FREM2: variants seen among roughly 807,000 people sequenced by gnomAD.
The protein encoded by FREM2 is FRAS1-related extracellular matrix protein 2.
FREM2 carries 119 observed loss-of-function variants against 219.9 expected under a neutral mutation model. The observed-to-expected ratio is 0.54, with a 90% confidence interval of 0.47 to 0.63. The LOEUF (loss-of-function observed/expected upper bound fraction) is 0.63, where lower values mean the gene tolerates loss of function less well. Ranked by LOEUF, FREM2 falls within the 30% of genes least tolerant of loss-of-function variation. FREM2 has a pLI of 0.00. For missense variants in FREM2, 4,030 were observed against 3,993.6 expected, an observed-to-expected ratio of 1.01 and a Z score of -0.25; for synonymous variants, 1,562 against 1,522.8, an observed-to-expected ratio of 1.03 and a Z score of -0.60.
chr13:38,780,552 C>T (rs1413754925), intron 4 of FREM2, among the ~76,000 whole-genome samples: 1 of 152,160 alleles, frequency 6.6e-6, no homozygotes, highest in East Asian at 1.9e-4. Context: ...TAAAGTATGT[C>T]AGATTATGGA....
chr13:38,789,201 A>C (rs1029927245), intron 6 of FREM2, among the ~76,000 whole-genome samples: 1 of 152,010 alleles, frequency 6.6e-6, no homozygotes, highest in Non-Finnish European at 1.5e-5. Context: ...TTAATTTTGT[A>C]GGTTTGGTAA....
intron 6 of FREM2, among the ~76,000 whole-genome samples, chr13:38,842,643 T>TGGTCTATGCGCACTTGAGTAAATA (rs1423568705): frequency 6.6e-6 from 1 of 152,232 alleles, no homozygotes; most frequent in Non-Finnish European, 1.5e-5. Context: ...ACTTGAATGA[T>TGGTCTATGCGCACTTGAGTAAATA]GGTCTATGCG....
chr13:38,838,140 G>A (rs867881048), intron 6 of FREM2, among the ~76,000 whole-genome samples: 48 of 152,166 alleles, frequency 3.2e-4, no homozygotes, highest in Admixed American at 9.8e-4. Context: ...CAGGAGCTCC[G>A]GTAAGGCAGG....
intron 6 of FREM2, among the ~76,000 whole-genome samples, chr13:38,790,877 T>C (rs535816650): frequency 7.2e-5 from 11 of 152,338 alleles, no homozygotes; most frequent in African/African-American, 2.4e-4. Context: ...AAGCCCAAAA[T>C]AGATTATTTG....
At chr13:38,858,513 G>T (rs1877643134) in intron 13 of FREM2, among the ~76,000 whole-genome samples, 1 of 152,122 alleles carries the variant, frequency 6.6e-6, no homozygotes, top group Non-Finnish European at 1.5e-5. Flanking sequence ...GGACTGCAAC[G>T]TGAGCTACAG....
intron 3 of FREM2, among the ~76,000 whole-genome samples, chr13:38,765,452 G>A (rs961949001): frequency 1.3e-5 from 2 of 152,164 alleles, no homozygotes; most frequent in Non-Finnish European, 2.9e-5. Flanking sequence ...CTGGGAAAAT[G>A]TTGGCAAAGT....
intron 14 of FREM2, 63 bp downstream of exon 14, chr13:38,859,653 C>G (rs1877694287): frequency 1.1e-5 from 16 of 1,416,688 alleles, no homozygotes; most frequent in Non-Finnish European, 1.6e-5. Flanking sequence ...CAAATGTCTA[C>G]TTTCTGGTTA....
intron 16 of FREM2, among the ~76,000 whole-genome samples, chr13:38,871,287 A>G (rs968374814): frequency 1.1e-4 from 16 of 152,194 alleles, no homozygotes; most frequent in African/African-American, 3.4e-4. Flanking sequence ...AATGTTCTAA[A>G]TTATAGTTCT....
At chr13:38,796,482 T>C (rs967070719) in intron 6 of FREM2, among the ~76,000 whole-genome samples, 7 of 152,142 alleles carry the variant, frequency 4.6e-5, no homozygotes, top group Admixed American at 6.5e-5. Flanking sequence ...AAACAGAGGA[T>C]GGCAATTCTG....
chr13:38,705,226 T>C (rs893484057), intron 2 of FREM2, among the ~76,000 whole-genome samples: 3 of 152,066 alleles, frequency 2.0e-5, no homozygotes, highest in African/African-American at 7.2e-5. Context: ...CTTGATATAA[T>C]GTTGGATCCA....
Position 38,691,049 on chromosome 13 carries a change from T to G in FREM2, c.3705T>G (p.His1235Gln), listed in dbSNP as rs1377434174. Residue 1235 changes from histidine to glutamine, a missense_variant, in exon 1 of 24, where the codon CAT becomes CAG. This residue lies in a region of FREM2 where 3,102 missense variants were observed against 2,950.7 expected (regional missense o/e 1.05). Transcript: ENST00000280481. Reference protein sequence around the residue: ...LTFTITQFPTHGHIMNQLING... With the variant: ...LTFTITQFPTQGHIMNQLING... ...TCACTATTACCCAATTCCCCACTCA[T>G]GGTCACATCATGAATCAGCTGATAA... 1 of 1,614,194 alleles carries G rather than the reference T, an allele frequency of 6.2e-7. No homozygotes were observed. The highest frequency in any genetic ancestry group is 8.5e-7 in the Non-Finnish European group (1 of 1,180,026).
At position 38,882,215 on chromosome 13, in the gene FREM2, A is replaced by C. The variant is rs9548522; in HGVS notation, c.*1428A>C. On this transcript the variant is annotated 3_prime_UTR_variant, in exon 24 of 24. Coordinates refer to ENST00000280481, the MANE Select transcript of FREM2 (RefSeq NM_207361.6). Reference sequence around the variant, plus strand: ...TAGAAGGGGAAAACTTCAGCTTTCCAAAAGCTAGTAAACATGTTTCAAAGA... The same window carrying C: ...TAGAAGGGGAAAACTTCAGCTTTCCCAAAGCTAGTAAACATGTTTCAAAGA... 1 of 151,932 alleles carries C rather than the reference A, an allele frequency of 6.6e-6. No homozygotes were observed. 9.4% of individuals were successfully genotyped at this position (151,932 alleles called of 1,614,324 possible).
At position 38,856,145 on chromosome 13, in the gene FREM2, G is replaced by C; in HGVS notation, c.6945G>C (p.Gly2315=). The change falls in exon 12 of 24, where the codon GGG becomes GGC. Residue 2315 remains glycine, a synonymous_variant. Transcript: ENST00000280481. ...PVSEEIEFKE[G]ETQHVVEIEV... is the part of the protein sequence containing the mutation. ...TTGTAGAAATTGAGTTTAAGGAAGG[G>C]GAAACCCAGCACGTGGTTGAAATCG... The C allele has an allele frequency of 3.1e-6, 5 of 1,610,612 alleles. No individual in the cohort carries two copies. Among genetic ancestry groups the C allele is most frequent in the Non-Finnish European group, 4.2e-6 (5 of 1,177,204 alleles).
chr13:38,782,986 T>G, intron 4 of FREM2, 84 bp from the exon 5 acceptor site: 1 of 1,482,904 alleles, frequency 6.7e-7, no homozygotes, highest in Non-Finnish European at 9.4e-7. Flanking sequence ...AATCAATCAT[T>G]AGAGAAATTT....
intron 3 of FREM2, 121 bp from the exon 4 acceptor site, chr13:38,769,457 A>G: frequency 1.2e-6 from 1 of 828,440 alleles, no homozygotes; most frequent in Non-Finnish European, 2.0e-6. Flanking sequence ...CCATTTCATG[A>G]GGTCAAAGCA....
At chr13:38,761,785 AT>A (rs978799121) in intron 2 of FREM2, among the ~76,000 whole-genome samples, 23 of 152,286 alleles carry the variant, frequency 1.5e-4, no homozygotes, top group African/African-American at 5.3e-4. Context: ...AGGGGTCCTC[AT>A]TTTAGGCAAG....
intron 2 of FREM2, among the ~76,000 whole-genome samples, chr13:38,714,135 T>G (rs1220220351): frequency 6.6e-6 from 1 of 152,268 alleles, no homozygotes; most frequent in East Asian, 1.9e-4. Context: ...CAGTCATATT[T>G]GTGTCCTGAG....
At chr13:38,806,719 G>A (rs1487347044) in intron 6 of FREM2, among the ~76,000 whole-genome samples, 6 of 151,854 alleles carry the variant, frequency 4.0e-5, no homozygotes, top group Admixed American at 3.3e-4. Flanking sequence ...GGTTGGGATG[G>A]TTGTGGTAAT....
At chr13:38,818,780 T>C (rs375037025) in intron 6 of FREM2, among the ~76,000 whole-genome samples, 1 of 151,926 alleles carries the variant, frequency 6.6e-6, no homozygotes, top group Non-Finnish European at 1.5e-5. Context: ...CTGGCCAACA[T>C]AGTGAAACCC....
Sources: allele counts gnomAD v4.1 joint callset (sites outside exome capture counted in the v4.1 genomes callset), GRCh38; gene constraint gnomAD v4.1.1; regional missense constraint gnomAD v4.1.1; transcripts MANE v1.5; gene names NCBI Gene and HGNC (gene_info 2026-07-23, HGNC 2026-07-21).